The following VAT1L variants were observed in gnomAD, a reference collection of about 807,000 sequenced individuals.
VAT1L encodes putative NADPH-dependent quinone oxidoreductase VAT1L.
In VAT1L, 34 loss-of-function variants were observed where a neutral mutation model predicts 44.1. The ratio of observed to expected loss-of-function variants is 0.77; its 90% confidence interval spans 0.59 to 1.03. VAT1L has a LOEUF of 1.03. Ranked by LOEUF, VAT1L falls within the 50% of genes least tolerant of loss-of-function variation. The probability of loss-of-function intolerance (pLI) is 0.00; values close to 1 mark genes in which losing one functional copy is unlikely to be tolerated. For missense variants in VAT1L, 615 were observed against 538.8 expected (o/e 1.14, Z -1.40); for synonymous variants, 253 against 202.2 (o/e 1.25, Z -2.13).
intron 7 of VAT1L, among the ~76,000 whole-genome samples, chr16:77,885,939 G>A (rs1228453062): frequency 6.6e-6 from 1 of 152,098 alleles, no homozygotes; most frequent in Non-Finnish European, 1.5e-5. Context: ...CTCTAATACT[G>A]CAGTGTCATG....
intron 1 of VAT1L, among the ~76,000 whole-genome samples, chr16:77,816,404 G>A (rs909231775): frequency 6.6e-6 from 1 of 152,180 alleles, no homozygotes; most frequent in African/African-American, 2.4e-5. Context: ...TAGTGCTGAT[G>A]TAAGTGTGTG....
chr16:77,907,978 C>T (rs1402960800), intron 7 of VAT1L, among the ~76,000 whole-genome samples: 7 of 152,182 alleles, frequency 4.6e-5, no homozygotes, highest in Non-Finnish European at 8.8e-5. Flanking sequence ...CGGGGGCTCA[C>T]GCCTGTAATC....
At chr16:77,876,562 A>G in intron 5 of VAT1L, 89 bp downstream of exon 5, 2 of 1,183,408 alleles carry the variant, frequency 1.7e-6, no homozygotes, top group Middle Eastern at 2.3e-4. Flanking sequence ...AATTGTGCTG[A>G]TATGTTGGGG....
intron 3 of VAT1L, among the ~76,000 whole-genome samples, chr16:77,862,016 C>T (rs139439719): frequency 6.6e-6 from 1 of 152,294 alleles, no homozygotes; most frequent in Non-Finnish European, 1.5e-5. Context: ...ATCTTAGGTT[C>T]GGCTTCTGGG....
Position 77,977,655 on chromosome 16 carries a change from G to A in VAT1L, c.1220G>A (p.Gly407Glu), listed in dbSNP as rs748614576. The A allele has an allele frequency of 5.0e-6, 8 of 1,614,098 alleles. No homozygotes were observed. Among genetic ancestry groups the A allele is most frequent in the Non-Finnish European group, 6.8e-6 (8 of 1,179,986 alleles). The change falls in exon 9 of 9, where the codon GGA becomes GAA. Residue 407 changes from glycine to glutamate, a missense_variant. Physicochemically the swap from Gly to Glu is moderately conservative, Grantham distance 98 (BLOSUM62 -2). Coordinates refer to ENST00000302536, the MANE Select transcript of VAT1L (RefSeq NM_020927.3). ...EAGEEEEDHEGDSENKERMPF... is the reference protein window; with the variant it reads ...EAGEEEEDHEEDSENKERMPF... ...GGGGAAGAGGAGGAGGACCACGAGG[G>A]AGACAGCGAGAACAAGGAGCGGATG...
At chr16:77,908,520 A>C (rs1012458803) in intron 7 of VAT1L, among the ~76,000 whole-genome samples, 1 of 150,794 alleles carries the variant, frequency 6.6e-6, no homozygotes, top group East Asian at 2.0e-4. Context: ...GATTACAGAT[A>C]ATAGGCCCTG....
intron 3 of VAT1L, among the ~76,000 whole-genome samples, chr16:77,851,952 G>A (rs1252271098): frequency 6.6e-6 from 1 of 152,162 alleles, no homozygotes; most frequent in Non-Finnish European, 1.5e-5. Flanking sequence ...GTAAGCTACA[G>A]AGCCCTGAAA....
At chr16:77,808,574 G>C (rs902823895) in intron 1 of VAT1L, among the ~76,000 whole-genome samples, 1 of 152,024 alleles carries the variant, frequency 6.6e-6, no homozygotes, top group African/African-American at 2.4e-5. Flanking sequence ...TCATCGTACA[G>C]TGATCAGTTT....
At chr16:77,910,072 A>G (rs1038478778) in intron 7 of VAT1L, among the ~76,000 whole-genome samples, 4 of 152,266 alleles carry the variant, frequency 2.6e-5, no homozygotes, top group East Asian at 3.8e-4. Context: ...GTGAAATTCA[A>G]TTAGAGTTGG....
intron 1 of VAT1L, among the ~76,000 whole-genome samples, chr16:77,793,368 G>T (rs1048853238): frequency 2.0e-5 from 3 of 152,134 alleles, no homozygotes; most frequent in African/African-American, 7.2e-5. Flanking sequence ...AGCAGAAGGG[G>T]CACTATTTAT....
rs2018370794 is a variant in VAT1L, at chr16:77,978,997, T to C, written c.*1302T>C. 6.6e-6 allele frequency: 1 copy of C among 152,202 alleles called. No individual in the cohort carries two copies. Among genetic ancestry groups the C allele is most frequent in the South Asian group, 2.1e-4 (1 of 4,828 alleles). 9.4% of individuals were successfully genotyped at this position (152,202 alleles called of 1,614,324 possible). On this transcript the variant is annotated 3_prime_UTR_variant, in exon 9 of 9. Coordinates refer to ENST00000302536, the MANE Select transcript of VAT1L (RefSeq NM_020927.3). The stretch of plus-strand genomic sequence containing the variant: ...AAATGTGGAGATACCAGGAGCTCAT[T>C]TGATTCATACCCCAACTTTGTGTTC...
chr16:77,788,770 G>T lies in VAT1L; in HGVS notation c.88G>T (p.Gly30Cys). ...AGKEPAEGGG[G>C]DGSHRLGDAQ... ...CAAGGAGCCGGCGGAGGGCGGCGGC[G>T]GCGACGGCTCGCACCGCCTCGGGGA... Residue 30 changes from glycine to cysteine, a missense_variant, in exon 1 of 9, where the codon GGC becomes TGC. Transcript: ENST00000302536. 13 of 1,563,388 alleles carry T rather than the reference G, an allele frequency of 8.3e-6. No homozygotes were observed. The highest frequency in any genetic ancestry group is 1.1e-5 in the Non-Finnish European group (13 of 1,154,144).
At chr16:77,847,366 C>G (rs147865672) in intron 3 of VAT1L, among the ~76,000 whole-genome samples, 1 of 152,176 alleles carries the variant, frequency 6.6e-6, no homozygotes. Context: ...ACCTCTCCCC[C>G]GGTCTTCCCG....
intron 2 of VAT1L, among the ~76,000 whole-genome samples, chr16:77,820,173 T>C (rs747547861): frequency 2.0e-5 from 3 of 152,196 alleles, no homozygotes; most frequent in Non-Finnish European, 4.4e-5. Flanking sequence ...ATTTCTTTCA[T>C]GGTTTCAAGA....
intron 3 of VAT1L, among the ~76,000 whole-genome samples, chr16:77,858,467 T>C (rs746336335): frequency 6.6e-6 from 1 of 152,208 alleles, no homozygotes; most frequent in East Asian, 1.9e-4. Flanking sequence ...GGAGTAGTGA[T>C]AGCAAGTATG....
intron 3 of VAT1L, 32 bp from the exon 4 acceptor site, chr16:77,862,716 T>C (rs1288908856): frequency 1.9e-6 from 3 of 1,606,680 alleles, no homozygotes; most frequent in Admixed American, 1.7e-5. Flanking sequence ...GTGGCTCCTA[T>C]GTGTGACATA....
At chr16:77,977,568 C>T (rs752586137) in intron 8 of VAT1L, 29 bp from the exon 9 acceptor site, 13 of 1,610,424 alleles carry the variant, frequency 8.1e-6, no homozygotes, top group Non-Finnish European at 1.1e-5. Context: ...GTTGCACAAC[C>T]CTCAATAACA....
intron 7 of VAT1L, among the ~76,000 whole-genome samples, chr16:77,909,834 G>T (rs2017480036): frequency 1.3e-5 from 2 of 151,982 alleles, no homozygotes; most frequent in Admixed American, 1.3e-4. Context: ...ACATCACTGG[G>T]GCTCTGAATT....
chr16:77,943,410 C>T (rs151238443), intron 7 of VAT1L, among the ~76,000 whole-genome samples: 2,665 of 136,210 alleles, frequency 0.02, 116 homozygotes, highest in African/African-American at 0.071. Flanking sequence ...GACAGAGTCT[C>T]GCTCTGTCTC....
Sources: allele counts gnomAD v4.1 joint callset (sites outside exome capture counted in the v4.1 genomes callset), GRCh38; gene constraint gnomAD v4.1.1; transcripts MANE v1.5; gene names NCBI Gene and HGNC (gene_info 2026-07-23, HGNC 2026-07-21).